Variants in SOCS7 observed in about 807,000 individuals in gnomAD.
The protein encoded by SOCS7 is NAP-4.
Under a neutral mutation model 58.9 loss-of-function variants are expected in SOCS7, and 18 were observed. The ratio of observed to expected loss-of-function variants is 0.31; its 90% CI spans 0.21 to 0.45. SOCS7 has a LOEUF of 0.45. Ranked by LOEUF, SOCS7 falls within the 20% of genes least tolerant of loss-of-function variation. SOCS7 has a pLI of 1.00. For synonymous variants in SOCS7, 388 were observed against 364.3 expected (o/e 1.06, Z -0.74); for missense variants, 667 against 837.3 (o/e 0.80, Z 2.51).
chr17:38,367,688 G>A (rs1183532436), intron 5 of SOCS7, among the ~76,000 whole-genome samples, 194 bp from the exon 6 acceptor site: 1 of 152,208 alleles, frequency 6.6e-6, no homozygotes, highest in Non-Finnish European at 1.5e-5. Flanking sequence ...TTATTATTCT[G>A]TTACTTTGGA....
intron 6 of SOCS7, among the ~76,000 whole-genome samples, chr17:38,376,398 G>A (rs978962640): frequency 6.6e-5 from 10 of 152,148 alleles, no homozygotes; most frequent in African/African-American, 2.4e-4. Context: ...ACTCCACACA[G>A]ACAGTGGTCC....
At chr17:38,395,243 A>G (rs1386278124) in intron 7 of SOCS7, 66 bp from the exon 8 acceptor site, 6 of 1,562,088 alleles carry the variant, frequency 3.8e-6, no homozygotes, top group South Asian at 1.2e-5. Context: ...GGTTCTCTTC[A>G]TACAAGAAAT....
Position 38,353,058 on chromosome 17 carries a change from C to G in SOCS7, c.980+26C>G, listed in dbSNP as rs1217255178. On this transcript the variant is annotated intron_variant, in intron 1 of 9. Coordinates refer to ENST00000612932, the MANE Select transcript of SOCS7 (RefSeq NM_014598.4). ...GTGAGACCGGCCGGGGGCTGGCCGA[C>G]AAACTTCCTTTTCTTGTTTGGTTTC... is the stretch of plus-strand genomic sequence containing the variant. 3 of 1,527,040 alleles carry G rather than the reference C, an allele frequency of 2.0e-6. No homozygotes were observed. The African/African-American group carries it at 4.1e-5, about 21-fold the overall frequency. 94.6% of individuals were successfully genotyped at this position (1,527,040 alleles called of 1,614,324 possible). A position where few individuals can be genotyped will look rare whatever the true frequency, so the allele number is the denominator to read the frequency against.
At chr17:38,356,049 C>T (rs965656553) in intron 1 of SOCS7, among the ~76,000 whole-genome samples, 1 of 151,858 alleles carries the variant, frequency 6.6e-6, no homozygotes, top group African/African-American at 2.4e-5. Context: ...ACACCCGGCT[C>T]ATTTTTTTAT....
chr17:38,396,140 A>G lies in SOCS7; in HGVS notation c.*30+142A>G. ...TTTGCCCATAGAATGACAAGATCTG[A>G]CCGTGGAGTCCTCAAGGGGCACACA... On this transcript the variant is annotated intron_variant, in intron 9 of 9. Coordinates refer to ENST00000612932, the MANE Select transcript of SOCS7 (RefSeq NM_014598.4). 4.6e-6 allele frequency: 3 copies of G among 656,012 alleles called. No individual in the cohort carries two copies. In the South Asian group the frequency reaches 7.5e-5, roughly 16 times the overall value. 40.6% of individuals were successfully genotyped at this position (656,012 alleles called of 1,614,324 possible). A position where few individuals can be genotyped will look rare whatever the true frequency, so the allele number is the denominator to read the frequency against.
chr17:38,358,574 TTTG>T (rs1555567140), intron 1 of SOCS7, among the ~76,000 whole-genome samples: 14 of 151,870 alleles, frequency 9.2e-5, no homozygotes, highest in African/African-American at 1.2e-4. Flanking sequence ...AGTATCTTGC[TTTG>T]TTGTTGTTTT....
At chr17:38,386,323 C>CAAAAAAA (rs548448434) in intron 7 of SOCS7, among the ~76,000 whole-genome samples, 2,583 of 51,644 alleles carry the variant, frequency 0.05, 178 homozygotes, top group African/African-American at 0.13. Flanking sequence ...GGCTGTGTCT[C>CAAAAAAA]AAAAAAAAAA....
chr17:38,388,566 A>C (rs1479555316), intron 7 of SOCS7, among the ~76,000 whole-genome samples: 1 of 152,162 alleles, frequency 6.6e-6, no homozygotes, highest in African/African-American at 2.4e-5. Context: ...TAGTATATTC[A>C]CAGAGTTGTA....
At chr17:38,371,850 G>A (rs1262919078) in intron 6 of SOCS7, among the ~76,000 whole-genome samples, 4 of 147,260 alleles carry the variant, frequency 2.7e-5, no homozygotes, top group African/African-American at 1.0e-4. Context: ...TTAAGTCATA[G>A]GAGTTCAGAT....
Position 38,395,918 on chromosome 17 carries a change from G to A in SOCS7, c.1888G>A (p.Glu630Lys), listed in dbSNP as rs753683915. Reference protein sequence around the residue: ...PQEEVYLSLKEAQLISKQKQE... With the variant: ...PQEEVYLSLKKAQLISKQKQE... ...GGAAGAGGTATACCTGTCTCTAAAG[G>A]AAGCGCAGCTCATTTCCAAACAGAA... is the stretch of plus-strand genomic sequence containing the variant. The change falls in exon 9 of 10, where the codon GAA becomes AAA. Residue 630 changes from glutamate to lysine, a missense_variant. Physicochemically the swap from Glu to Lys is moderately conservative, Grantham distance 56. Transcript: ENST00000612932. The A allele has an allele frequency of 6.2e-7, 1 of 1,611,642 alleles. No homozygotes were observed. The highest frequency in any genetic ancestry group is 2.2e-5 in the East Asian group (1 of 44,840).
Position 38,352,361 on chromosome 17 carries a change from C to G in SOCS7, c.309C>G (p.Ala103=), listed in dbSNP as rs2037565103. The change falls in exon 1 of 10, where the codon GCC becomes GCG. Residue 103 remains alanine, a synonymous_variant. Coordinates refer to ENST00000612932, the MANE Select transcript of SOCS7 (RefSeq NM_014598.4). This position sits in a 1 kb window ranked among gnomAD's most constrained non-coding sequence, Gnocchi z 5.5. ...ACCGCTGTGCCCTGGACCCCAAGGC[C>G]CTGCCGCCGGGCTTGGCGCTCGAGC... ...PRHRCALDPK[A]LPPGLALERT... is the part of the protein sequence containing the mutation. 6.9e-7 allele frequency: 1 copy of G among 1,451,504 alleles called. No individual in the cohort carries two copies. Among genetic ancestry groups the G allele is most frequent in the Non-Finnish European group, 9.0e-7 (1 of 1,113,762 alleles). The allele number at this position is 1,451,504 out of a possible 1,614,324, so 89.9% of individuals were successfully genotyped here. A position where few individuals can be genotyped will look rare whatever the true frequency, so the allele number is the denominator to read the frequency against.
intron 1 of SOCS7, among the ~76,000 whole-genome samples, chr17:38,355,247 A>G (rs1555566687): frequency 1.3e-5 from 2 of 152,196 alleles, no homozygotes; most frequent in African/African-American, 4.8e-5. Flanking sequence ...CCCCATCTGT[A>G]AAATGGGTGA....
chr17:38,373,090 G>C (rs1040945148), intron 6 of SOCS7, among the ~76,000 whole-genome samples: 1 of 149,626 alleles, frequency 6.7e-6, no homozygotes, highest in Non-Finnish European at 1.5e-5. Flanking sequence ...TGGGCAACAA[G>C]AGCAGAACTC....
At chr17:38,389,005 G>C (rs2144387751) in intron 7 of SOCS7, among the ~76,000 whole-genome samples, 1 of 152,272 alleles carries the variant, frequency 6.6e-6, no homozygotes, top group Non-Finnish European at 1.5e-5. Context: ...TCCTAGGCGT[G>C]AAATTGCTGG....
At chr17:38,364,512 TGTCA>T (rs2037761600) in intron 2 of SOCS7, among the ~76,000 whole-genome samples, 1 of 152,230 alleles carries the variant, frequency 6.6e-6, no homozygotes, top group Non-Finnish European at 1.5e-5. Flanking sequence ...GTTTTTCCAC[TGTCA>T]GTCCCATGGT....
chr17:38,372,899 G>A (rs1455162474), intron 6 of SOCS7, among the ~76,000 whole-genome samples: 2 of 152,164 alleles, frequency 1.3e-5, no homozygotes, highest in African/African-American at 4.8e-5. Context: ...ATGAGGTCGG[G>A]AGTTCGAGAC....
At chr17:38,370,765 C>T (rs540449806) in intron 6 of SOCS7, among the ~76,000 whole-genome samples, 94 of 152,008 alleles carry the variant, frequency 6.2e-4, no homozygotes, top group African/African-American at 2.2e-3. Context: ...ATTCTCCTGC[C>T]TTGGCCTCCC....
At chr17:38,356,045 G>A (rs1246035873) in intron 1 of SOCS7, among the ~76,000 whole-genome samples, 1 of 151,800 alleles carries the variant, frequency 6.6e-6, no homozygotes, top group Non-Finnish European at 1.5e-5. Context: ...CACCACACCC[G>A]GCTCATTTTT....
At chr17:38,398,674 G>A (rs912832332) in intron 9 of SOCS7, among the ~76,000 whole-genome samples, 2 of 152,174 alleles carry the variant, frequency 1.3e-5, no homozygotes, top group South Asian at 4.1e-4. Context: ...TTCATGCCAG[G>A]GGGTTTGGAG....
Sources: gnomAD v4.1 joint callset for allele counts (sites outside exome capture counted in the v4.1 genomes callset) on GRCh38, gnomAD v4.1.1 for gene constraint, Gnocchi (gnomAD v3.1) non-coding constraint, MANE v1.5 for transcripts, NCBI Gene and HGNC (gene_info 2026-07-23, HGNC 2026-07-21) for gene names.